Variants in ALK observed in about 807,000 individuals in gnomAD.
ALK encodes ALK tyrosine kinase receptor.
Under a neutral mutation model 163.1 loss-of-function variants are expected in ALK, and 74 were observed. That is an observed-to-expected ratio of 0.45 (90% CI 0.38 to 0.55). The LOEUF is 0.55. Among genes scored for constraint, ALK ranks in the 20% least tolerant of loss-of-function variants. The pLI, the probability that ALK is intolerant of heterozygous loss-of-function variation, is 0.00. For missense variants in ALK, 2,063 were observed against 2,105.3 expected, an observed-to-expected ratio of 0.98 and a Z score of 0.39; for synonymous variants, 960 against 843.2, an observed-to-expected ratio of 1.14 and a Z score of -2.40.
intron 4 of ALK, among the ~76,000 whole-genome samples, chr2:29,511,082 T>C (rs1413127177): frequency 6.6e-6 from 1 of 152,206 alleles, no homozygotes; most frequent in Non-Finnish European, 1.5e-5. Flanking sequence ...TACTCTCACC[T>C]CTTTTTTCTA....
intron 3 of ALK, among the ~76,000 whole-genome samples, chr2:29,655,137 G>A (rs990496437): frequency 2.6e-5 from 4 of 152,136 alleles, no homozygotes; most frequent in Non-Finnish European, 4.4e-5. Flanking sequence ...AATAAGCCAT[G>A]TCTGTCTCTG....
In ALK at chr2:29,878,336, C is replaced by G. The variant is rs148926715; in HGVS notation, c.667+41657G>C. Among the ~76,000 whole-genome samples the G allele has an allele frequency of 2.8e-3, 420 of 152,256 alleles. 2 individuals are homozygous for G. The highest frequency in any genetic ancestry group is 9.3e-3 in the African/African-American group (388 of 41,564). Reference sequence around the variant, plus strand: ...GGAGGTTGATTGAAAATAACGAAAACTATTATAAGCCAAGCCTGTATTAAG... The same window carrying G: ...GGAGGTTGATTGAAAATAACGAAAAGTATTATAAGCCAAGCCTGTATTAAG... On this transcript the variant is annotated intron_variant, in intron 1 of 28. Coordinates refer to ENST00000389048, the MANE Select transcript of ALK (RefSeq NM_004304.5).
rs1375832164 is a variant in ALK, at chr2:29,920,988, C to G, written c.-329G>C. On this transcript the variant is annotated 5_prime_UTR_variant, in exon 1 of 29. Coordinates refer to ENST00000389048, the MANE Select transcript of ALK (RefSeq NM_004304.5). ...GCTCGCTGCGCTCGGTACAGAGGAACTACTATGGTTGAAGGGAGGTGGCAG... is the reference window on the plus strand; with the variant it reads ...GCTCGCTGCGCTCGGTACAGAGGAAGTACTATGGTTGAAGGGAGGTGGCAG... 1 of 373,428 alleles carries G rather than the reference C, an allele frequency of 2.7e-6. No individual in the cohort carries two copies. The highest frequency in any genetic ancestry group is 2.1e-5 in the African/African-American group (1 of 48,736). 23.1% of individuals were successfully genotyped at this position (373,428 alleles called of 1,614,324 possible).
At chr2:29,279,696 C>T (rs144518333) in intron 9 of ALK, among the ~76,000 whole-genome samples, 4 of 152,288 alleles carry the variant, frequency 2.6e-5, no homozygotes, top group African/African-American at 4.8e-5. Flanking sequence ...CTTCTGGCAC[C>T]GCTTACTGTC....
At chr2:29,338,646 T>C (rs1667697349) in intron 5 of ALK, among the ~76,000 whole-genome samples, 1 of 152,240 alleles carries the variant, frequency 6.6e-6, no homozygotes, top group African/African-American at 2.4e-5. Context: ...TGTGTGTTTA[T>C]ATCTGCATTG....
At chr2:29,855,171 A>C (rs557988614) in intron 1 of ALK, among the ~76,000 whole-genome samples, 1 of 152,372 alleles carries the variant, frequency 6.6e-6, no homozygotes, top group East Asian at 1.9e-4. Flanking sequence ...GAAGCCATAA[A>C]GGAACAAGCT....
chr2:29,909,446 G>C (rs1667639118), intron 1 of ALK, among the ~76,000 whole-genome samples: 1 of 149,502 alleles, frequency 6.7e-6, no homozygotes, highest in Non-Finnish European at 1.5e-5. Flanking sequence ...GGCACAACTA[G>C]ACACACATAC....
intron 9 of ALK, among the ~76,000 whole-genome samples, chr2:29,277,345 T>C (rs999736164): frequency 2.0e-5 from 3 of 152,240 alleles, no homozygotes; most frequent in African/African-American, 4.8e-5. Flanking sequence ...GCTTGTTAGA[T>C]GCTGGCTTGG....
intron 3 of ALK, among the ~76,000 whole-genome samples, chr2:29,536,898 T>A (rs1184645450): frequency 1.3e-5 from 2 of 152,220 alleles, no homozygotes; most frequent in Non-Finnish European, 2.9e-5. Context: ...GCCTTAGGGA[T>A]CTGTGGAAGG....
At chr2:29,676,222 T>C (rs1458596701) in intron 3 of ALK, among the ~76,000 whole-genome samples, 1 of 152,076 alleles carries the variant, frequency 6.6e-6, no homozygotes, top group Non-Finnish European at 1.5e-5. Context: ...AATTTATCAA[T>C]GTCTTGCATT....
At chr2:29,306,787 C>G (rs535712898) in intron 8 of ALK, among the ~76,000 whole-genome samples, 1 of 152,286 alleles carries the variant, frequency 6.6e-6, no homozygotes, top group South Asian at 2.1e-4. Flanking sequence ...CTAGACACAT[C>G]CTAGTAGATA....
At chr2:29,305,714 C>T (rs939825840) in intron 8 of ALK, among the ~76,000 whole-genome samples, 3 of 152,280 alleles carry the variant, frequency 2.0e-5, no homozygotes, top group Admixed American at 2.0e-4. Context: ...AGCAGAGGTC[C>T]TCAACCTTTC....
intron 4 of ALK, among the ~76,000 whole-genome samples, chr2:29,502,596 G>T (rs968381371): frequency 2.0e-5 from 3 of 152,034 alleles, no homozygotes; most frequent in South Asian, 2.1e-4. Context: ...TCAAGGGCTT[G>T]GTATTAAGAC....
intron 1 of ALK, among the ~76,000 whole-genome samples, chr2:29,791,793 G>T (rs968831313): frequency 6.6e-6 from 1 of 152,034 alleles, no homozygotes; most frequent in African/African-American, 2.4e-5. Context: ...TATATGGTTT[G>T]TGCAATATAG....
At chr2:29,750,004 G>C (rs1680310353) in intron 1 of ALK, among the ~76,000 whole-genome samples, 1 of 152,204 alleles carries the variant, frequency 6.6e-6, no homozygotes, top group Non-Finnish European at 1.5e-5. Context: ...AGGGCTCCCT[G>C]CCAGGAAGGA....
intron 4 of ALK, among the ~76,000 whole-genome samples, chr2:29,526,537 G>T (rs1169134422): frequency 6.6e-6 from 1 of 152,166 alleles, no homozygotes; most frequent in Non-Finnish European, 1.5e-5. Flanking sequence ...TTATTAGTGT[G>T]TTATTCAGAC....
chr2:29,881,597 C>T lies in ALK; in HGVS notation c.667+38396G>A, dbSNP rs142638146. Among the ~76,000 whole-genome samples, 116 of 152,188 alleles carry T rather than the reference C, an allele frequency of 7.6e-4. No individual in the cohort carries two copies. In the East Asian group the frequency reaches 0.017, roughly 22 times the overall value. ...CTGCTGGCTGTCTCCCCGCCTCCTG[C>T]GTGGGCTTTAAACTCTTTACAAAGT... On this transcript the variant is annotated intron_variant, in intron 1 of 28. Coordinates refer to ENST00000389048, the MANE Select transcript of ALK (RefSeq NM_004304.5).
chr2:29,293,118 G>C (rs1179081465), intron 9 of ALK, among the ~76,000 whole-genome samples: 1 of 152,200 alleles, frequency 6.6e-6, no homozygotes, highest in Non-Finnish European at 1.5e-5. Context: ...TGCTGTTTTG[G>C]TTCATCTGAT....
intron 1 of ALK, among the ~76,000 whole-genome samples, chr2:29,906,002 T>A (rs1018075829): frequency 1.3e-5 from 2 of 152,190 alleles, no homozygotes; most frequent in African/African-American, 4.8e-5. Context: ...TGCCTGCAGT[T>A]CTGCCCATGC....
Sources: gnomAD v4.1 joint callset for allele counts (sites outside exome capture counted in the v4.1 genomes callset) on GRCh38, gnomAD v4.1.1 for gene constraint, MANE v1.5 for transcripts, NCBI Gene and HGNC (gene_info 2026-07-23, HGNC 2026-07-21) for gene names.